The following EVC2 variants were observed in gnomAD, a reference collection of about 807,000 sequenced individuals.
EVC2 encodes EvC ciliary complex subunit 2, also known as limbin.
Under a neutral mutation model 149.3 loss-of-function variants are expected in EVC2, and 148 were observed. The ratio of observed to expected loss-of-function variants is 0.99; its 90% CI spans 0.87 to 1.14. The LOEUF is 1.14. Ranked by LOEUF, EVC2 falls within the 50% of genes most tolerant of loss-of-function variation. The pLI, the probability that EVC2 is intolerant of heterozygous loss-of-function variation, is 0.00. For synonymous variants in EVC2, 776 were observed against 649.9 expected, an observed-to-expected ratio of 1.19 and a Z score of -2.95; for missense variants, 1,854 against 1,627.3, an observed-to-expected ratio of 1.14 and a Z score of -2.40.
chr4:5,569,173 G>A lies in EVC2; in HGVS notation c.3361-533C>T, dbSNP rs1316854097. ...AAGGTCACGTGCTGCGTGATTCCAT[G>A]CATGTAACCACCTGGGCGTGATGAG... On this transcript the variant is annotated intron_variant, in intron 19 of 21. Coordinates refer to ENST00000344408, the MANE Select transcript of EVC2 (RefSeq NM_147127.5). The surrounding 1 kb of genome is among the most constrained non-coding windows in gnomAD (Gnocchi z 4.8). 6.6e-6 allele frequency among the ~76,000 whole-genome samples: 1 copy of A among 152,210 alleles called. No individual in the cohort carries two copies. The highest frequency in any genetic ancestry group is 1.9e-4 in the East Asian group (1 of 5,186).
chr4:5,600,156 T>C (rs1713855543), intron 16 of EVC2, among the ~76,000 whole-genome samples: 1 of 152,202 alleles, frequency 6.6e-6, no homozygotes, highest in South Asian at 2.1e-4. Context: ...ACTAGCTGTG[T>C]GACCAAGGCA....
At chr4:5,660,827 G>T (rs1485145316) in intron 9 of EVC2, among the ~76,000 whole-genome samples, 2 of 152,190 alleles carry the variant, frequency 1.3e-5, no homozygotes, top group African/African-American at 4.8e-5. Context: ...AAATAGTGAG[G>T]AAGCTCAAGT....
rs1302399553 is a variant in EVC2 at position 5,657,313 on chromosome 4, C to T, written c.1145+5794G>A. ...TGACAGGTTCATCCCATGTTCCCTC[C>T]CCAAGCCACGTATCTGCTGCATCTA... On this transcript the variant is annotated intron_variant, in intron 9 of 21. Coordinates refer to ENST00000344408, the MANE Select transcript of EVC2 (RefSeq NM_147127.5). The surrounding 1 kb of genome is among the most constrained non-coding windows in gnomAD (Gnocchi z 4.7). Among the ~76,000 whole-genome samples the T allele has an allele frequency of 6.6e-6, 1 of 151,766 alleles. No homozygotes were observed. The highest frequency in any genetic ancestry group is 1.5e-5 in the Non-Finnish European group (1 of 67,938).
intron 16 of EVC2, among the ~76,000 whole-genome samples, chr4:5,587,398 T>A (rs1712383829): frequency 6.6e-6 from 1 of 152,244 alleles, no homozygotes; most frequent in Non-Finnish European, 1.5e-5. Flanking sequence ...TTACTTCGCA[T>A]AATGTTTTCA....
intron 19 of EVC2, among the ~76,000 whole-genome samples, chr4:5,568,980 G>A (rs1294695947): frequency 6.6e-6 from 1 of 152,174 alleles, no homozygotes; most frequent in African/African-American, 2.4e-5. Flanking sequence ...AGGCCATTAG[G>A]CACCAGGCGA....
At chr4:5,638,729 A>G (rs1484257977) in intron 10 of EVC2, among the ~76,000 whole-genome samples, 1 of 152,172 alleles carries the variant, frequency 6.6e-6, no homozygotes, top group Admixed American at 6.5e-5. Context: ...TGGGACCTAA[A>G]TTCAATGACA....
intron 1 of EVC2, 107 bp from the exon 2 acceptor site, chr4:5,697,754 T>TC (rs1353421515): frequency 9.3e-7 from 1 of 1,076,720 alleles, no homozygotes; most frequent in East Asian, 2.6e-5. Flanking sequence ...CACTTTTTTT[T>TC]TTTTTTTCTG....
At chr4:5,540,726 T>C (rs1406115866), downstream of EVC2, among the ~76,000 whole-genome samples, 1 of 152,232 alleles carries the variant, frequency 6.6e-6, no homozygotes, top group African/African-American at 2.4e-5. Flanking sequence ...GAGATGTTCA[T>C]TGTCTTGATT....
At chr4:5,571,404 T>C (rs1289928365) in intron 19 of EVC2, among the ~76,000 whole-genome samples, 4 of 148,306 alleles carry the variant, frequency 2.7e-5, no homozygotes, top group Non-Finnish European at 4.5e-5. Flanking sequence ...AAATCACCAA[T>C]GAAGAACTTA....
In EVC2 at chr4:5,637,924, G is replaced by C. The variant is rs1400397415; in HGVS notation, c.1470+2590C>G. Among the ~76,000 whole-genome samples the C allele has an allele frequency of 6.6e-6, 1 of 151,026 alleles. No individual in the cohort carries two copies. Among genetic ancestry groups the C allele is most frequent in the Non-Finnish European group, 1.5e-5 (1 of 67,894 alleles). On this transcript the variant is annotated intron_variant, in intron 10 of 21. Transcript: ENST00000344408. The surrounding 1 kb of genome is among the most constrained non-coding windows in gnomAD (Gnocchi z 4.4). ...CCTGAGGTCTCTGTTATGTATTCTTGTTTGTGTATTTGATTTTTAAAACTC... is the reference window on the plus strand; with the variant it reads ...CCTGAGGTCTCTGTTATGTATTCTTCTTTGTGTATTTGATTTTTAAAACTC...
chr4:5,591,002 G>A (rs1712746071), intron 16 of EVC2, among the ~76,000 whole-genome samples: 4 of 152,022 alleles, frequency 2.6e-5, no homozygotes, highest in Admixed American at 2.6e-4. Flanking sequence ...ACAGCATGAG[G>A]GTAACTGCCC....
intron 18 of EVC2, 55 bp from the exon 19 acceptor site, chr4:5,574,827 G>C: frequency 6.6e-7 from 1 of 1,505,212 alleles, no homozygotes; most frequent in South Asian, 1.1e-5. Context: ...GTGATACTAT[G>C]AGATCATCTA....
intron 16 of EVC2, among the ~76,000 whole-genome samples, chr4:5,610,790 TTTTC>T (rs1222373381): frequency 1.7e-5 from 2 of 116,986 alleles, no homozygotes. Flanking sequence ...TCCTTTTTCC[TTTTC>T]TTTTTTTTTT....
intron 16 of EVC2, among the ~76,000 whole-genome samples, chr4:5,611,375 G>C (rs887733142): frequency 6.6e-6 from 1 of 152,170 alleles, no homozygotes; most frequent in Non-Finnish European, 1.5e-5. Context: ...GAATTTGATA[G>C]AGACTAGACA....
At chr4:5,708,692 G>A (rs1178391797), upstream of EVC2, 5 of 483,392 alleles carry the variant, frequency 1.0e-5, no homozygotes, top group Admixed American at 1.3e-4. Context: ...GGCGTGGGAG[G>A]GGGAGAGCGA....
chr4:5,633,017 C>A lies in EVC2; in HGVS notation c.1471-985G>T, dbSNP rs1278749626. 6.6e-6 allele frequency among the ~76,000 whole-genome samples: 1 copy of A among 152,172 alleles called. No homozygotes were observed. Among genetic ancestry groups the A allele is most frequent in the East Asian group, 1.9e-4 (1 of 5,202 alleles). ...TGTCTTGATGATGTAATTAAGGTCA[C>A]TAATCAGTTGACTTTGAATTAATCA... is the stretch of plus-strand genomic sequence containing the variant. On this transcript the variant is annotated intron_variant, in intron 10 of 21. Coordinates refer to ENST00000344408, the MANE Select transcript of EVC2 (RefSeq NM_147127.5). This position sits in a 1 kb window ranked among gnomAD's most constrained non-coding sequence, Gnocchi z 4.4.
At position 5,579,825 on chromosome 4, in the gene EVC2, T is replaced by C. The variant is rs140435430; in HGVS notation, c.3058-3371A>G. On this transcript the variant is annotated intron_variant, in intron 17 of 21. Coordinates refer to ENST00000344408, the MANE Select transcript of EVC2 (RefSeq NM_147127.5). ...CACTGCACACCAGCCTGGGTGACAGTGACTGTCTCAAAACAATAAACAAAG... is the reference window on the plus strand; with the variant it reads ...CACTGCACACCAGCCTGGGTGACAGCGACTGTCTCAAAACAATAAACAAAG... 3.6e-3 allele frequency among the ~76,000 whole-genome samples: 548 copies of C among 152,210 alleles called. 5 individuals are homozygous for C. The highest frequency in any genetic ancestry group is 0.01 in the Middle Eastern group (3 of 294).
Position 5,562,530 on chromosome 4 carries a change from C to A in EVC2, c.*318G>T. 1 of 1,238,552 alleles carries A rather than the reference C, an allele frequency of 8.1e-7. No homozygotes were observed. The highest frequency in any genetic ancestry group is 1.0e-6 in the Non-Finnish European group (1 of 984,780). The allele number at this position is 1,238,552 out of a possible 1,614,324, so 76.7% of individuals were successfully genotyped here. Reference sequence around the variant, plus strand: ...ACATAAGAGTAGAGAATCTGGCTGTCACCACACAGACCATAGCTTCTGCAG... The same window carrying A: ...ACATAAGAGTAGAGAATCTGGCTGTAACCACACAGACCATAGCTTCTGCAG... On this transcript the variant is annotated 3_prime_UTR_variant, in exon 22 of 22. Transcript: ENST00000344408. The surrounding 1 kb of genome is among the most constrained non-coding windows in gnomAD (Gnocchi z 4.3).
intron 16 of EVC2, among the ~76,000 whole-genome samples, chr4:5,590,301 T>C (rs975394940): frequency 2.0e-5 from 3 of 152,154 alleles, no homozygotes; most frequent in African/African-American, 7.2e-5. Context: ...GGGCAAGGCA[T>C]GGCAAGAATT....
Sources: gnomAD v4.1 joint callset for allele counts (sites outside exome capture counted in the v4.1 genomes callset) on GRCh38, gnomAD v4.1.1 for gene constraint, Gnocchi (gnomAD v3.1) non-coding constraint, MANE v1.5 for transcripts, NCBI Gene and HGNC (gene_info 2026-07-23, HGNC 2026-07-21) for gene names.